Variants in TAF3 observed in about 807,000 individuals in gnomAD.
The protein encoded by TAF3 is transcription initiation factor TFIID subunit 3.
Under a neutral mutation model 80.6 loss-of-function variants are expected in TAF3, and 7 were observed. That is an observed-to-expected ratio of 0.09 (90% CI 0.05 to 0.16). The LOEUF is 0.16. Among genes scored for constraint, TAF3 ranks in the 10% least tolerant of loss-of-function variants. The pLI is 1.00. For missense variants in TAF3, 921 were observed against 1,140.2 expected (o/e 0.81, Z 2.77); for synonymous variants, 444 against 446.1 (o/e 1.00, Z 0.06).
intron 1 of TAF3, among the ~76,000 whole-genome samples, chr10:7,820,963 G>A (rs1836684448): frequency 6.6e-6 from 1 of 152,158 alleles, no homozygotes; most frequent in African/African-American, 2.4e-5. Context: ...GCTAGGCTAG[G>A]CATAGTCCAG....
chr10:7,867,368 C>T (rs917008872), intron 2 of TAF3, among the ~76,000 whole-genome samples: 2 of 152,096 alleles, frequency 1.3e-5, no homozygotes, highest in African/African-American at 4.8e-5. Context: ...AGTATTTAGT[C>T]ATTTGTTTCT....
chr10:8,001,226 A>G (rs967109141), intron 4 of TAF3, among the ~76,000 whole-genome samples: 7 of 152,174 alleles, frequency 4.6e-5, no homozygotes, highest in African/African-American at 1.7e-4. Context: ...TAAGTTTTCC[A>G]TAATCATTCC....
intron 2 of TAF3, among the ~76,000 whole-genome samples, chr10:7,951,476 G>A (rs747825292): frequency 2.6e-5 from 4 of 152,152 alleles, no homozygotes; most frequent in Non-Finnish European, 5.9e-5. Flanking sequence ...CATTCCTGTG[G>A]CAGTGGTTGC....
At chr10:7,864,170 A>AC (rs1339031263) in intron 2 of TAF3, among the ~76,000 whole-genome samples, 3 of 152,024 alleles carry the variant, frequency 2.0e-5, no homozygotes, top group Non-Finnish European at 2.9e-5. Context: ...AATGACAAAT[A>AC]CCTGCCATTA....
chr10:7,887,336 A>G (rs187856030), intron 2 of TAF3, among the ~76,000 whole-genome samples: 4 of 152,276 alleles, frequency 2.6e-5, no homozygotes, highest in African/African-American at 7.2e-5. Flanking sequence ...GTTGTTGTGT[A>G]CAATCGTTGA....
intron 2 of TAF3, among the ~76,000 whole-genome samples, chr10:7,902,499 G>A (rs1837568025): frequency 6.6e-6 from 1 of 152,118 alleles, no homozygotes; most frequent in African/African-American, 2.4e-5. Flanking sequence ...ACTGCGTGTG[G>A]TTGTTTTCTC....
chr10:7,862,444 T>A (rs1001510763), intron 2 of TAF3, among the ~76,000 whole-genome samples: 1 of 152,186 alleles, frequency 6.6e-6, no homozygotes, highest in African/African-American at 2.4e-5. Flanking sequence ...GCAGCAGAAA[T>A]CTCTTTAGGT....
At chr10:7,956,640 C>T (rs1198396519) in intron 2 of TAF3, among the ~76,000 whole-genome samples, 1 of 152,176 alleles carries the variant, frequency 6.6e-6, no homozygotes, top group East Asian at 1.9e-4. Flanking sequence ...AAATATCTGT[C>T]TAAAAGTGAA....
chr10:7,924,845 A>G (rs1012173941), intron 2 of TAF3, among the ~76,000 whole-genome samples: 1 of 152,072 alleles, frequency 6.6e-6, no homozygotes, highest in African/African-American at 2.4e-5. Flanking sequence ...TCACTTTATC[A>G]TATCACACAA....
chr10:7,829,580 GT>G (rs1836778097), intron 2 of TAF3, among the ~76,000 whole-genome samples: 1 of 152,158 alleles, frequency 6.6e-6, no homozygotes, highest in Non-Finnish European at 1.5e-5. Flanking sequence ...TTAGACTGGG[GT>G]TATGAGATCT....
At chr10:7,850,667 T>A in intron 2 of TAF3, among the ~76,000 whole-genome samples, 1 of 147,680 alleles carries the variant, frequency 6.8e-6, no homozygotes, top group East Asian at 2.0e-4. Context: ...AGAGCAAGAC[T>A]CCATCTCAAA....
chr10:7,893,572 G>C lies in TAF3; in HGVS notation c.409+69012G>C, dbSNP rs115088035. ...CCTGTCTGTGGCTTTTGTTGCTGTAGCTAGTTGCTCCACCTCATGTTTTGT... is the reference window on the plus strand; with the variant it reads ...CCTGTCTGTGGCTTTTGTTGCTGTACCTAGTTGCTCCACCTCATGTTTTGT... On this transcript the variant is annotated intron_variant, in intron 2 of 6. Transcript: ENST00000344293. Among the ~76,000 whole-genome samples the C allele has an allele frequency of 6.9e-3, 1,044 of 152,174 alleles. 11 individuals are homozygous for C. Among genetic ancestry groups the C allele is most frequent in the African/African-American group, 0.022 (932 of 41,496 alleles).
chr10:7,915,557 G>C (rs1041242282), intron 2 of TAF3, among the ~76,000 whole-genome samples: 14 of 150,406 alleles, frequency 9.3e-5, no homozygotes, highest in East Asian at 2.0e-4. Context: ...GCAGGAGAAT[G>C]GTGTGAACCC....
chr10:7,833,786 TG>T, intron 2 of TAF3: 1 of 332,638 alleles, frequency 3.0e-6, no homozygotes, highest in Admixed American at 4.2e-5. Context: ...TGGGCATGAC[TG>T]GTCCTGTCAG....
intron 2 of TAF3, among the ~76,000 whole-genome samples, chr10:7,936,921 A>G (rs1469192056): frequency 6.6e-6 from 1 of 151,726 alleles, no homozygotes; most frequent in Non-Finnish European, 1.5e-5. Context: ...CCAGAATGCC[A>G]TAATTGGAAT....
chr10:7,955,462 T>C (rs1387746537), intron 2 of TAF3, among the ~76,000 whole-genome samples: 1 of 152,254 alleles, frequency 6.6e-6, no homozygotes, highest in East Asian at 1.9e-4. Context: ...CATTTTGTTG[T>C]TCCTTTGCTT....
At chr10:7,931,289 T>C (rs1025299371) in intron 2 of TAF3, among the ~76,000 whole-genome samples, 3 of 152,202 alleles carry the variant, frequency 2.0e-5, no homozygotes, top group Admixed American at 6.5e-5. Flanking sequence ...AACTTCTGTG[T>C]GTGCTACTGC....
chr10:8,009,377 C>T lies in TAF3; in HGVS notation c.2568+47C>T. The T allele has an allele frequency of 6.4e-7, 1 of 1,555,918 alleles. No individual in the cohort carries two copies. Among genetic ancestry groups the T allele is most frequent in the Non-Finnish European group, 8.7e-7 (1 of 1,148,224 alleles). On this transcript the variant is annotated intron_variant, in intron 5 of 6. Coordinates refer to ENST00000344293, the MANE Select transcript of TAF3 (RefSeq NM_031923.4). The surrounding 1 kb of genome is among the most constrained non-coding windows in gnomAD (Gnocchi z 4.1). ...GGTTAGCATGGAGACGTTTTCAGAT[C>T]GAGACAAGTGTGTGCTCTGAATCAC... is the stretch of plus-strand genomic sequence containing the variant.
At chr10:7,978,740 G>A (rs748162072) in intron 4 of TAF3, among the ~76,000 whole-genome samples, 2 of 152,212 alleles carry the variant, frequency 1.3e-5, no homozygotes, top group African/African-American at 2.4e-5. Flanking sequence ...AGAGGAAGAT[G>A]TTGTTATCCA....
Sources: gnomAD v4.1 joint callset for allele counts (sites outside exome capture counted in the v4.1 genomes callset) on GRCh38, gnomAD v4.1.1 for gene constraint, Gnocchi (gnomAD v3.1) non-coding constraint, MANE v1.5 for transcripts, NCBI Gene and HGNC (gene_info 2026-07-23, HGNC 2026-07-21) for gene names.